ATP2B2: variants seen among roughly 807,000 people sequenced by gnomAD.
ATP2B2 encodes ATPase plasma membrane Ca2+ transporting 2.
Under a neutral mutation model 120.0 loss-of-function variants are expected in ATP2B2, and 15 were observed. The ratio of observed to expected loss-of-function variants is 0.12; its 90% CI spans 0.08 to 0.19. ATP2B2 has a LOEUF of 0.19. Ranked by LOEUF, ATP2B2 falls within the 10% of genes least tolerant of loss-of-function variation. ATP2B2 has a pLI of 1.00. For missense variants in ATP2B2, 1,045 were observed against 1,719.8 expected (o/e 0.61, Z 6.94); for synonymous variants, 694 against 700.3 (o/e 0.99, Z 0.14).
At chr3:10,419,422 T>TAC (rs1385316349) in intron 2 of ATP2B2, among the ~76,000 whole-genome samples, 5 of 152,296 alleles carry the variant, frequency 3.3e-5, no homozygotes, top group Non-Finnish European at 7.4e-5. Flanking sequence ...ACCACCACCG[T>TAC]ACACCACTAA....
At chr3:10,588,431 C>T (rs2068565585) in intron 2 of ATP2B2, among the ~76,000 whole-genome samples, 1 of 152,198 alleles carries the variant, frequency 6.6e-6, no homozygotes, top group African/African-American at 2.4e-5. Flanking sequence ...TGAACCCCTT[C>T]CACATCCCTA....
chr3:10,534,996 C>T (rs996435594), intron 2 of ATP2B2, among the ~76,000 whole-genome samples: 5 of 149,664 alleles, frequency 3.3e-5, no homozygotes, highest in African/African-American at 9.9e-5. Flanking sequence ...CTCTGCCTCC[C>T]GGGTTCAAGC....
intron 3 of ATP2B2, 91 bp downstream of exon 3, chr3:10,410,527 G>T: frequency 7.0e-7 from 1 of 1,435,642 alleles, no homozygotes; most frequent in Non-Finnish European, 9.4e-7. Context: ...CCTGGGAGGA[G>T]AGGATTATTT....
chr3:10,609,360 C>T (rs2069168474), intron 2 of ATP2B2, among the ~76,000 whole-genome samples: 1 of 152,094 alleles, frequency 6.6e-6, no homozygotes, highest in South Asian at 2.1e-4. Flanking sequence ...CCCACAGCCG[C>T]CCCCACCCAT....
At chr3:10,381,236 T>G (rs997559) in intron 8 of ATP2B2, among the ~76,000 whole-genome samples, 31,605 of 152,210 alleles carry the variant, frequency 0.21, 3,527 homozygotes, top group East Asian at 0.37. Flanking sequence ...ACCCCCTGTG[T>G]CTCTACTGTA....
chr3:10,595,220 T>A (rs2068738771), intron 2 of ATP2B2, among the ~76,000 whole-genome samples: 2 of 152,192 alleles, frequency 1.3e-5, no homozygotes, highest in Non-Finnish European at 2.9e-5. Context: ...CTGCTGTAAG[T>A]GGGCCTTTAG....
chr3:10,424,974 G>A (rs2063101033), intron 2 of ATP2B2, among the ~76,000 whole-genome samples: 1 of 152,128 alleles, frequency 6.6e-6, no homozygotes, highest in Non-Finnish European at 1.5e-5. Flanking sequence ...CAGTGGTTTA[G>A]GGGACTCTAG....
chr3:10,409,186 A>G (rs2062521148), intron 3 of ATP2B2, among the ~76,000 whole-genome samples: 1 of 152,134 alleles, frequency 6.6e-6, no homozygotes, highest in Admixed American at 6.5e-5. Flanking sequence ...ACCTTCTTTC[A>G]TATTTGGTAT....
intron 1 of ATP2B2, 111 bp from the exon 2 acceptor site, chr3:10,449,973 A>ACGG: frequency 3.1e-6 from 1 of 318,512 alleles, no homozygotes; most frequent in Non-Finnish European, 6.2e-6. Flanking sequence ...AACACTGACT[A>ACGG]CACCCATGCC....
At chr3:10,387,149 T>C (rs2061705101) in intron 6 of ATP2B2, among the ~76,000 whole-genome samples, 1 of 152,214 alleles carries the variant, frequency 6.6e-6, no homozygotes, top group Non-Finnish European at 1.5e-5. Context: ...TCTCCTTATG[T>C]CCTCTGGGAC....
chr3:10,675,149 T>C (rs1412116306), intron 1 of ATP2B2, among the ~76,000 whole-genome samples: 1 of 152,242 alleles, frequency 6.6e-6, no homozygotes, highest in Non-Finnish European at 1.5e-5. Flanking sequence ...AACATTTTAT[T>C]GAACTAGCCC....
intron 2 of ATP2B2, among the ~76,000 whole-genome samples, chr3:10,589,475 C>T (rs911679618): frequency 4.6e-5 from 7 of 152,188 alleles, no homozygotes; most frequent in East Asian, 1.9e-4. Flanking sequence ...TGTTGCCAAA[C>T]GCAGTTCCGC....
At chr3:10,576,146 G>T (rs1429359242) in intron 2 of ATP2B2, among the ~76,000 whole-genome samples, 1 of 152,224 alleles carries the variant, frequency 6.6e-6, no homozygotes, top group East Asian at 1.9e-4. Context: ...CTGACTGGAG[G>T]TGTCCAGGCC....
chr3:10,599,401 C>A (rs2068845702), intron 2 of ATP2B2, among the ~76,000 whole-genome samples: 1 of 152,208 alleles, frequency 6.6e-6, no homozygotes, highest in East Asian at 1.9e-4. Context: ...CTCCTCTTCA[C>A]TAGGAAGCTT....
chr3:10,571,944 C>T (rs887080406), intron 2 of ATP2B2, among the ~76,000 whole-genome samples: 11 of 152,316 alleles, frequency 7.2e-5, no homozygotes, highest in African/African-American at 2.6e-4. Flanking sequence ...AGTGACTTTG[C>T]AGTTTCTCCC....
intron 1 of ATP2B2, among the ~76,000 whole-genome samples, chr3:10,500,286 G>A (rs747633744): frequency 2.6e-5 from 4 of 152,030 alleles, no homozygotes; most frequent in South Asian, 2.1e-4. Flanking sequence ...TCTGTAATCC[G>A]GAAAATGGGT....
chr3:10,360,157 T>C, intron 12 of ATP2B2, 34 bp from the exon 13 acceptor site: 4 of 1,555,016 alleles, frequency 2.6e-6, no homozygotes, highest in Middle Eastern at 2.0e-4. Context: ...TGGCACCTGG[T>C]GGGGCCTGTG....
intron 2 of ATP2B2, among the ~76,000 whole-genome samples, chr3:10,592,639 C>T (rs557968249): frequency 2.6e-5 from 4 of 152,254 alleles, no homozygotes; most frequent in Non-Finnish European, 5.9e-5. Context: ...ACATGAAACA[C>T]CCACGGCCAC....
chr3:10,462,688 A>T (rs558027211), intron 1 of ATP2B2, among the ~76,000 whole-genome samples: 11 of 152,300 alleles, frequency 7.2e-5, no homozygotes, highest in Admixed American at 7.2e-4. Flanking sequence ...CTGGGAGTAG[A>T]ACTGGGCTTT....
Sources: allele counts gnomAD v4.1 joint callset (sites outside exome capture counted in the v4.1 genomes callset), GRCh38; gene constraint gnomAD v4.1.1; transcripts MANE v1.5; gene names NCBI Gene and HGNC (gene_info 2026-07-23, HGNC 2026-07-21).